Variants in C1QTNF3 observed in about 807,000 individuals in gnomAD.
C1QTNF3 encodes C1q and TNF related 3, also known as complement C1q tumor necrosis factor-related protein 3.
C1QTNF3 carries 26 observed loss-of-function variants against 32.6 expected under a neutral mutation model. That is an observed-to-expected ratio of 0.80 (90% CI 0.58 to 1.11). C1QTNF3 has a LOEUF of 1.11. C1QTNF3 is among the 50% of genes least tolerant of loss of function. The probability of loss-of-function intolerance (pLI) is 0.00; values close to 1 mark genes in which losing one functional copy is unlikely to be tolerated. For synonymous variants in C1QTNF3, 155 were observed against 146.0 expected, an observed-to-expected ratio of 1.06 and a Z score of -0.44; for missense variants, 362 against 398.2, an observed-to-expected ratio of 0.91 and a Z score of 0.77.
the C1QTNF3 span, among the ~76,000 whole-genome samples, chr5:34,117,366 G>C: frequency 1.3e-5 from 2 of 152,278 alleles, no homozygotes; most frequent in South Asian, 4.1e-4. Context: ...TAACACAGCA[G>C]TTTTATTTCT....
At chr5:34,120,916 T>C in the C1QTNF3 span, among the ~76,000 whole-genome samples, 1 of 152,272 alleles carries the variant, frequency 6.6e-6, no homozygotes, top group Non-Finnish European at 1.5e-5. Context: ...TGAATGAGCA[T>C]GTGATTCCTC....
the C1QTNF3 span, among the ~76,000 whole-genome samples, chr5:34,202,793 C>T: frequency 6.6e-6 from 1 of 151,972 alleles, no homozygotes; most frequent in African/African-American, 2.4e-5. Context: ...GCTAGTCATA[C>T]AGTTTTTTGT....
At chr5:34,135,654 C>T in the C1QTNF3 span, among the ~76,000 whole-genome samples, 1 of 149,792 alleles carries the variant, frequency 6.7e-6, no homozygotes, top group Non-Finnish European at 1.5e-5. Flanking sequence ...CCTGCATTGC[C>T]AAGACAATCC....
chr5:34,145,670 A>T, the C1QTNF3 span, among the ~76,000 whole-genome samples: 1 of 137,932 alleles, frequency 7.2e-6, no homozygotes, highest in Non-Finnish European at 1.6e-5. Context: ...AATCTGGCAG[A>T]GACACAGCAA....
At chr5:34,052,263 T>C in the C1QTNF3 span, among the ~76,000 whole-genome samples, 550 of 152,376 alleles carry the variant, frequency 3.6e-3, 5 homozygotes, top group African/African-American at 0.011. Flanking sequence ...TAACTAGATA[T>C]GTTCTTTCCC....
At chr5:34,153,720 G>C in the C1QTNF3 span, among the ~76,000 whole-genome samples, 4 of 97,690 alleles carry the variant, frequency 4.1e-5, no homozygotes, top group South Asian at 4.3e-4. Context: ...GTCGGGGGAG[G>C]GGGGAGGGAT....
chr5:34,126,084 T>C, the C1QTNF3 span, among the ~76,000 whole-genome samples: 4 of 152,348 alleles, frequency 2.6e-5, no homozygotes, highest in East Asian at 1.9e-4. Context: ...ATAAAAATCA[T>C]CTCCCTTGTC....
the C1QTNF3 span, among the ~76,000 whole-genome samples, chr5:34,137,335 C>T: frequency 6.6e-5 from 10 of 152,138 alleles, no homozygotes; most frequent in African/African-American, 2.2e-4. Flanking sequence ...TTCATTTCTA[C>T]GTCCTGATTC....
chr5:34,129,611 A>G, the C1QTNF3 span, among the ~76,000 whole-genome samples: 1 of 152,174 alleles, frequency 6.6e-6, no homozygotes, highest in Non-Finnish European at 1.5e-5. Flanking sequence ...AATATTCAAT[A>G]TAATATACAC....
At chr5:34,171,475 C>A in the C1QTNF3 span, among the ~76,000 whole-genome samples, 3 of 151,896 alleles carry the variant, frequency 2.0e-5, no homozygotes, top group Admixed American at 1.3e-4. Context: ...TATTTCTAAA[C>A]CAAACATTCC....
chr5:34,161,934 T>A, the C1QTNF3 span, among the ~76,000 whole-genome samples: 1 of 152,198 alleles, frequency 6.6e-6, no homozygotes, highest in Non-Finnish European at 1.5e-5. Context: ...TACAACCATT[T>A]AATTTTTTTA....
At chr5:34,124,421 C>T in the C1QTNF3 span, 16 of 716,224 alleles carry the variant, frequency 2.2e-5, no homozygotes, top group Admixed American at 8.0e-5. Context: ...GTGATACCTG[C>T]TTCTGGAGAG....
the C1QTNF3 span, among the ~76,000 whole-genome samples, chr5:34,217,296 A>G: frequency 1.6e-4 from 24 of 152,290 alleles, no homozygotes; most frequent in Non-Finnish European, 3.1e-4. Flanking sequence ...TCCATAAAAA[A>G]TAGAACCAGC....
At chr5:34,042,729 T>A (rs1754901674) in intron 1 of C1QTNF3, 94 bp downstream of exon 1, 1 of 1,289,236 alleles carries the variant, frequency 7.8e-7, no homozygotes, top group Admixed American at 2.2e-5. Flanking sequence ...TCATTGATTC[T>A]AAGAATCTTA....
chr5:34,079,095 A>G, the C1QTNF3 span, among the ~76,000 whole-genome samples: 1 of 151,666 alleles, frequency 6.6e-6, no homozygotes, highest in African/African-American at 2.4e-5. Flanking sequence ...CTATATTTAG[A>G]ACATAAAAAA....
the C1QTNF3 span, among the ~76,000 whole-genome samples, chr5:34,171,307 C>T: frequency 6.6e-6 from 1 of 151,250 alleles, no homozygotes; most frequent in Non-Finnish European, 1.5e-5. Flanking sequence ...GCAGAGCTTT[C>T]TGTAAGTTAT....
chr5:34,054,138 C>T, the C1QTNF3 span, among the ~76,000 whole-genome samples: 171 of 152,274 alleles, frequency 1.1e-3, no homozygotes, highest in African/African-American at 3.9e-3. Context: ...CAGAACCAGG[C>T]CCCCAGATGG....
chr5:34,051,026 A>T, the C1QTNF3 span, among the ~76,000 whole-genome samples: 1 of 152,226 alleles, frequency 6.6e-6, no homozygotes, highest in African/African-American at 2.4e-5. Context: ...TGGACTTGAC[A>T]TTATATGATA....
chr5:34,117,507 A>G, the C1QTNF3 span, among the ~76,000 whole-genome samples: 2 of 151,922 alleles, frequency 1.3e-5, no homozygotes, highest in Non-Finnish European at 2.9e-5. Context: ...TGGAGATCTG[A>G]TACAAGGGCC....
Sources: gnomAD v4.1 joint callset for allele counts (sites outside exome capture counted in the v4.1 genomes callset) on GRCh38, gnomAD v4.1.1 for gene constraint, MANE v1.5 for transcripts, NCBI Gene and HGNC (gene_info 2026-07-23, HGNC 2026-07-21) for gene names.